Variants in BRCA2 observed in about 807,000 individuals in gnomAD.
BRCA2 encodes BRCA2 DNA repair associated.
BRCA2 carries 203 observed loss-of-function variants against 276.7 expected under a neutral mutation model. The observed-to-expected ratio is 0.73, with a 90% confidence interval of 0.65 to 0.82. The LOEUF is 0.82. BRCA2 is among the 40% of genes least tolerant of loss of function. BRCA2 has a pLI of 0.00. For synonymous variants in BRCA2, 1,289 were observed against 1,338.4 expected, an observed-to-expected ratio of 0.96 and a Z score of 0.81; for missense variants, 3,920 against 3,915.0, an observed-to-expected ratio of 1.00 and a Z score of -0.03.
At chr13:32,327,186 G>A (rs2072356063) in intron 7 of BRCA2, among the ~76,000 whole-genome samples, 1 of 152,144 alleles carries the variant, frequency 6.6e-6, no homozygotes. Context: ...AGTGGCTCAC[G>A]CCTGTAATCC....
chr13:32,342,472 A>G (rs1181999590), intron 11 of BRCA2, among the ~76,000 whole-genome samples: 1 of 152,186 alleles, frequency 6.6e-6, no homozygotes, highest in Non-Finnish European at 1.5e-5. Context: ...ATATATATCT[A>G]ACAACTTAGT....
chr13:32,316,967 G>A (rs997558413), intron 2 of BRCA2, among the ~76,000 whole-genome samples: 17 of 152,332 alleles, frequency 1.1e-4, no homozygotes, highest in Non-Finnish European at 2.4e-4. Flanking sequence ...GGAGGCCGAG[G>A]TGGGCGGATC....
rs11842816 is a variant in BRCA2, at chr13:32,358,600, T to C, written c.7805+671T>C. 2.1e-3 allele frequency among the ~76,000 whole-genome samples: 322 copies of C among 151,978 alleles called. 3 individuals carry two copies. The highest frequency in any genetic ancestry group is 7.5e-3 in the African/African-American group (311 of 41,454). On this transcript the variant is annotated intron_variant, in intron 16 of 26. Transcript: ENST00000380152. Reference sequence around the variant, plus strand: ...TGAGCACAGGAGTTTGAGACCAGCCTGGGCAACATGGTGAAAACCCATCTC... The same window carrying C: ...TGAGCACAGGAGTTTGAGACCAGCCCGGGCAACATGGTGAAAACCCATCTC...
intron 13 of BRCA2, among the ~76,000 whole-genome samples, chr13:32,348,494 C>T (rs953842457): frequency 1.8e-4 from 27 of 152,064 alleles, no homozygotes; most frequent in African/African-American, 6.0e-4. Flanking sequence ...AGTATGAATT[C>T]TCTTATTATC....
intron 25 of BRCA2, 131 bp from the exon 26 acceptor site, chr13:32,396,767 G>A (rs751190592): frequency 1.4e-4 from 162 of 1,118,512 alleles, no homozygotes; most frequent in Non-Finnish European, 1.3e-4. Context: ...TTGACAATTG[G>A]TATCACATTT....
intron 24 of BRCA2, among the ~76,000 whole-genome samples, chr13:32,382,247 C>T (rs1227073564): frequency 2.6e-5 from 4 of 152,270 alleles, no homozygotes; most frequent in East Asian, 1.9e-4. Flanking sequence ...CCACTGCACC[C>T]GGCCAGTCAT....
At position 32,347,028 on chromosome 13, in the gene BRCA2, AATACTTTGGTAGT is replaced by A. The variant is rs1381529320; in HGVS notation, c.7007+135_7007+147del. 8.9e-6 allele frequency: 6 copies of A among 672,628 alleles called. No individual in the cohort carries two copies. The Admixed American group carries it at 1.9e-4, about 21-fold the overall frequency. 41.7% of individuals were successfully genotyped at this position (672,628 alleles called of 1,614,324 possible). A position where few individuals can be genotyped will look rare whatever the true frequency, so the allele number is the denominator to read the frequency against. ...ACTTCCCGTTTTATAAAATTTATAA[AATACTTTGGTAGT>A]ATTTTATAGTGCTGTTCATATCATT... On this transcript the variant is annotated intron_variant, in intron 13 of 26. Coordinates refer to ENST00000380152, the MANE Select transcript of BRCA2 (RefSeq NM_000059.4).
At chr13:32,341,456 T>C (rs2072569346) in intron 11 of BRCA2, among the ~76,000 whole-genome samples, 1 of 152,110 alleles carries the variant, frequency 6.6e-6, no homozygotes, top group African/African-American at 2.4e-5. Context: ...CTCAATATAT[T>C]TTCAAAAAGA....
intron 16 of BRCA2, among the ~76,000 whole-genome samples, chr13:32,362,181 C>T (rs370810294): frequency 6.6e-6 from 1 of 152,024 alleles, no homozygotes; most frequent in Admixed American, 6.6e-5. Context: ...AGCTACCACT[C>T]TTGGCTGATT....
At chr13:32,328,245 G>GT (rs1173083833) in intron 7 of BRCA2, among the ~76,000 whole-genome samples, 1,908 of 139,326 alleles carry the variant, frequency 0.014, 27 homozygotes, top group African/African-American at 0.036. Flanking sequence ...TTTCTTTTTC[G>GT]TTTTTTTTTT....
chr13:32,395,513 G>C (rs1267789413), intron 25 of BRCA2, among the ~76,000 whole-genome samples: 5 of 152,110 alleles, frequency 3.3e-5, no homozygotes, highest in Non-Finnish European at 5.9e-5. Context: ...ATGAGGTAGG[G>C]AACTGTTTTT....
chr13:32,344,733 GCCTCTCA>G, intron 12 of BRCA2, 80 bp downstream of exon 12: 2 of 995,868 alleles, frequency 2.0e-6, no homozygotes, highest in Non-Finnish European at 3.1e-6. Context: ...TGATCCACCT[GCCTCTCA>G]AAGTGCTGGG....
chr13:32,343,198 T>A (rs2137534491), intron 11 of BRCA2, among the ~76,000 whole-genome samples: 1 of 152,320 alleles, frequency 6.6e-6, no homozygotes, highest in East Asian at 1.9e-4. Flanking sequence ...TGTATTTGGT[T>A]TTGTTTTTTT....
intron 24 of BRCA2, chr13:32,385,303 G>A (rs538041776): frequency 4.8e-6 from 1 of 209,224 alleles, no homozygotes; most frequent in Admixed American, 4.5e-5. Context: ...GCTAAATGTA[G>A]ATGATAGATA....
In BRCA2 at chr13:32,338,045, T is replaced by C. The variant is rs1593900245; in HGVS notation, c.3690T>C (p.Ser1230=). ...YSAHGTKLNV[S]TEALQKAVKL... ...CTCATGGCACAAAACTGAATGTTTCTACTGAAGCTCTGCAAAAAGCTGTGA... is the reference window on the plus strand; with the variant it reads ...CTCATGGCACAAAACTGAATGTTTCCACTGAAGCTCTGCAAAAAGCTGTGA... The change falls in exon 11 of 27, where the codon TCT becomes TCC. Residue 1230 remains serine (S), a synonymous_variant. Transcript: ENST00000380152. 1.9e-6 allele frequency: 3 copies of C among 1,611,710 alleles called. No homozygotes were observed. The highest frequency in any genetic ancestry group is 2.5e-6 in the Non-Finnish European group (3 of 1,178,960).
chr13:32,368,431 A>G (rs921859798), intron 18 of BRCA2, among the ~76,000 whole-genome samples: 5 of 151,836 alleles, frequency 3.3e-5, no homozygotes, highest in African/African-American at 1.2e-4. Context: ...TGTGACATTC[A>G]GTTCTTGTTT....
chr13:32,355,405 A>G, intron 14 of BRCA2, 117 bp downstream of exon 14: 1 of 1,149,354 alleles, frequency 8.7e-7, no homozygotes, highest in East Asian at 2.6e-5. Flanking sequence ...GCCCTTTTTA[A>G]TGTTTTAGAT....
intron 20 of BRCA2, among the ~76,000 whole-genome samples, chr13:32,374,759 TC>T (rs1566250617): frequency 6.6e-6 from 1 of 152,176 alleles, no homozygotes; most frequent in Non-Finnish European, 1.5e-5. Context: ...TCCCACATCT[TC>T]CTGTCTTCTT....
At position 32,333,245 on chromosome 13, in the gene BRCA2, GTTTA is replaced by G. The variant is rs80359304; in HGVS notation, c.1773_1776del (p.Ile591MetfsTer22). The G allele has an allele frequency of 1.2e-6, 2 of 1,611,846 alleles. No individual in the cohort carries two copies. The highest frequency in any genetic ancestry group is 2.2e-5 in the South Asian group (2 of 90,686). ...CCACTTTGAAAAAGAAAACAAATAAGTTTATTTATGCTATACATGATGAAACATC... is the reference window on the plus strand; with the variant it reads ...CCACTTTGAAAAAGAAAACAAATAAGTTTATGCTATACATGATGAAACATC... On this transcript the variant is annotated frameshift_variant, in exon 10 of 27. Transcript: ENST00000380152. LOFTEE classifies it high-confidence loss of function.
Sources: allele counts gnomAD v4.1 joint callset (sites outside exome capture counted in the v4.1 genomes callset), GRCh38; gene constraint gnomAD v4.1.1; transcripts MANE v1.5; gene names NCBI Gene and HGNC (gene_info 2026-07-23, HGNC 2026-07-21).